AFAP1: variants seen among roughly 807,000 people sequenced by gnomAD.
The protein encoded by AFAP1 is actin filament associated protein 1, also known as actin filament-associated protein 1.
In AFAP1, 75 loss-of-function variants were observed where a neutral mutation model predicts 93.9. The observed-to-expected ratio is 0.80, with a 90% CI of 0.66 to 0.97. The LOEUF is 0.97. Ranked by LOEUF, AFAP1 falls within the 50% of genes least tolerant of loss-of-function variation. The pLI, the probability that AFAP1 is intolerant of heterozygous loss-of-function variation, is 0.00. For missense variants in AFAP1, 1,201 were observed against 1,050.8 expected, an observed-to-expected ratio of 1.14 and a Z score of -1.98; for synonymous variants, 517 against 430.7, an observed-to-expected ratio of 1.20 and a Z score of -2.48.
chr4:7,837,961 C>G (rs546617362), intron 6 of AFAP1, among the ~76,000 whole-genome samples: 1 of 152,258 alleles, frequency 6.6e-6, no homozygotes, highest in South Asian at 2.1e-4. Flanking sequence ...TTGCAGTGAA[C>G]CACGATCATA....
At chr4:7,865,505 C>T (rs1044923851) in intron 3 of AFAP1, among the ~76,000 whole-genome samples, 1 of 152,152 alleles carries the variant, frequency 6.6e-6, no homozygotes, top group Admixed American at 6.5e-5. Context: ...CTCATAAATA[C>T]CTTAACCCAG....
At chr4:7,926,890 C>A (rs906092873) in intron 1 of AFAP1, among the ~76,000 whole-genome samples, 2 of 152,230 alleles carry the variant, frequency 1.3e-5, no homozygotes, top group African/African-American at 4.8e-5. Context: ...CCCCCGCCAC[C>A]ATGCCCAGCT....
At chr4:7,865,359 G>A (rs1012021783) in intron 3 of AFAP1, among the ~76,000 whole-genome samples, 9 of 152,186 alleles carry the variant, frequency 5.9e-5, no homozygotes, top group African/African-American at 1.9e-4. Flanking sequence ...GGTAGCTCAC[G>A]CCTGTAATTC....
intron 6 of AFAP1, among the ~76,000 whole-genome samples, chr4:7,824,805 T>C (rs1295880305): frequency 6.6e-6 from 1 of 151,700 alleles, no homozygotes; most frequent in African/African-American, 2.4e-5. Context: ...ACTGAGGGAA[T>C]GGGAGGAAGG....
rs1446602731 is a variant in AFAP1 at position 7,809,769 on chromosome 4, A to C, written c.905-6T>G. On this transcript the variant is annotated splice_polypyrimidine_tract_variant and splice_region_variant and intron_variant, in intron 8 of 17. Transcript: ENST00000420658. ...GGAACTTTTCTTCCTCTTCACTGTC[A>C]AGAGTAACAACAGCAAAAAAGCATG... The C allele has an allele frequency of 1.2e-6, 2 of 1,609,654 alleles. No homozygotes were observed. Among genetic ancestry groups the C allele is most frequent in the Admixed American group, 3.4e-5 (2 of 59,090 alleles).
rs1008328762 is a variant in AFAP1 at position 7,800,376 on chromosome 4, G to A, written c.1266+66C>T. ...AATTTTGATAGAGGAGTCAGCATTC[G>A]CCTTTTGAAAGGAAGATCACCGCGT... is the stretch of plus-strand genomic sequence containing the variant. On this transcript the variant is annotated intron_variant, in intron 10 of 17. Coordinates refer to ENST00000420658, the MANE Select transcript of AFAP1 (RefSeq NM_001134647.2). 3.7e-5 allele frequency: 57 copies of A among 1,532,396 alleles called. 1 individual carries two copies. The highest frequency in any genetic ancestry group is 4.7e-5 in the East Asian group (2 of 42,842). 94.9% of individuals were successfully genotyped at this position (1,532,396 alleles called of 1,614,324 possible).
intron 6 of AFAP1, among the ~76,000 whole-genome samples, chr4:7,833,634 G>A (rs1711904069): frequency 6.8e-6 from 1 of 146,786 alleles, no homozygotes; most frequent in African/African-American, 2.6e-5. Context: ...TGTCACCCAG[G>A]CTGGAGTGCA....
intron 14 of AFAP1, chr4:7,775,900 A>G (rs1285514569): frequency 1.3e-5 from 2 of 152,256 alleles, no homozygotes; most frequent in Non-Finnish European, 2.9e-5. Flanking sequence ...TGAAGAGGAA[A>G]CTAGCTGTAG....
chr4:7,846,036 A>G (rs1480648203), intron 4 of AFAP1, among the ~76,000 whole-genome samples: 1 of 152,210 alleles, frequency 6.6e-6, no homozygotes, highest in Non-Finnish European at 1.5e-5. Flanking sequence ...AACCAAAGGA[A>G]AAAGTCTGAG....
intron 1 of AFAP1, among the ~76,000 whole-genome samples, chr4:7,899,037 ATAAG>A (rs1324530057): frequency 1.3e-5 from 2 of 151,482 alleles, no homozygotes; most frequent in African/African-American, 4.8e-5. Context: ...ATATATATAT[ATAAG>A]TAATACATAC....
chr4:7,893,566 G>C (rs1204157385), intron 1 of AFAP1, among the ~76,000 whole-genome samples: 12 of 130,180 alleles, frequency 9.2e-5, no homozygotes, highest in Admixed American at 5.6e-4. Context: ...GGGCGACAGA[G>C]TGGGACTCTG....
At chr4:7,824,068 C>A (rs927662197) in intron 6 of AFAP1, among the ~76,000 whole-genome samples, 1 of 152,318 alleles carries the variant, frequency 6.6e-6, no homozygotes, top group East Asian at 1.9e-4. Context: ...TGTTGATTGC[C>A]AAGCTGCACC....
At chr4:7,777,487 G>A (rs1045764816) in intron 14 of AFAP1, 7 of 152,148 alleles carry the variant, frequency 4.6e-5, no homozygotes, top group African/African-American at 1.7e-4. Context: ...TCATTCCCCT[G>A]TGTGGATGCT....
chr4:7,933,880 C>G (rs184572539), intron 1 of AFAP1, among the ~76,000 whole-genome samples: 2 of 152,354 alleles, frequency 1.3e-5, no homozygotes, highest in African/African-American at 4.8e-5. Flanking sequence ...CCACGTCAGA[C>G]TTCTACCCCA....
intron 1 of AFAP1, among the ~76,000 whole-genome samples, chr4:7,905,784 C>T (rs1027054351): frequency 2.0e-5 from 3 of 152,236 alleles, no homozygotes; most frequent in African/African-American, 7.2e-5. Context: ...GATACAATCA[C>T]AACCTTCACA....
Position 7,868,645 on chromosome 4 carries a change from G to T in AFAP1, c.202C>A (p.Pro68Thr), listed in dbSNP as rs759763353. Residue 68 changes from proline to threonine, a missense_variant, in exon 3 of 18, where the codon CCG becomes ACG. Physicochemically the swap from Pro to Thr is conservative, Grantham distance 38. Coordinates refer to ENST00000420658, the MANE Select transcript of AFAP1 (RefSeq NM_001134647.2). ...SLPAPPQMPL[P>T]EIPQPWLPPD... ...ACCAGCCAGGGCTGAGGGATCTCCG[G>T]CAGGGGCATCTGAGGAGGGGCTGGC... is the stretch of plus-strand genomic sequence containing the variant. 7 of 1,612,420 alleles carry T rather than the reference G, an allele frequency of 4.3e-6. No homozygotes were observed. In the Admixed American group the frequency reaches 5.0e-5, roughly 12 times the overall value.
At chr4:7,816,896 G>A (rs1025599771) in intron 7 of AFAP1, among the ~76,000 whole-genome samples, 1 of 152,204 alleles carries the variant, frequency 6.6e-6, no homozygotes, top group African/African-American at 2.4e-5. Context: ...GAGCTGCAGT[G>A]AAGAAACCAG....
chr4:7,843,415 A>C, intron 4 of AFAP1, 65 bp from the exon 5 acceptor site: 1 of 1,419,926 alleles, frequency 7.0e-7, no homozygotes, highest in South Asian at 1.3e-5. Flanking sequence ...CCGTGGGCTC[A>C]AGAGCACGTC....
chr4:7,781,271 T>G, intron 13 of AFAP1, 105 bp downstream of exon 13: 1 of 1,381,950 alleles, frequency 7.2e-7, no homozygotes. Context: ...AAAAACACAT[T>G]ATGCTTTGCC....
Sources: allele counts gnomAD v4.1 joint callset (sites outside exome capture counted in the v4.1 genomes callset), GRCh38; gene constraint gnomAD v4.1.1; transcripts MANE v1.5; gene names NCBI Gene and HGNC (gene_info 2026-07-23, HGNC 2026-07-21).